MDGA2: variants seen among roughly 807,000 people sequenced by gnomAD.
MDGA2 encodes MAM domain containing glycosylphosphatidylinositol anchor 2.
In MDGA2, 40 loss-of-function variants were observed where a neutral mutation model predicts 117.8. The ratio of observed to expected loss-of-function variants is 0.34; its 90% CI spans 0.26 to 0.44. MDGA2 has a LOEUF of 0.44. Among genes scored for constraint, MDGA2 ranks in the 20% least tolerant of loss-of-function variants. MDGA2 has a pLI of 1.00. For synonymous variants in MDGA2, 452 were observed against 439.0 expected (o/e 1.03, Z -0.37); for missense variants, 1,123 against 1,250.6 (o/e 0.90, Z 1.54).
chr14:47,657,030 A>T (rs1303532651), intron 1 of MDGA2, among the ~76,000 whole-genome samples: 1 of 152,154 alleles, frequency 6.6e-6, no homozygotes, highest in East Asian at 1.9e-4. Context: ...AAAGTTTTCA[A>T]TTCAGCCAAA....
intron 8 of MDGA2, among the ~76,000 whole-genome samples, chr14:46,967,336 G>A (rs933212045): frequency 1.3e-5 from 2 of 152,104 alleles, no homozygotes; most frequent in South Asian, 4.1e-4. Context: ...CAAGTCAAAA[G>A]CATGCCCAAC....
intron 8 of MDGA2, among the ~76,000 whole-genome samples, chr14:46,976,401 A>G (rs1886460092): frequency 6.6e-6 from 1 of 152,048 alleles, no homozygotes; most frequent in African/African-American, 2.4e-5. Context: ...AAGGACAGAG[A>G]CATCATTCTT....
rs1345552849 is a variant in MDGA2 at position 47,035,046 on chromosome 14, T to C, written c.1784A>G (p.Lys595Arg). ...QTSQYNGFNV[K>R]PREALVQLIV... Reference sequence around the variant, plus strand: ...GAGCTGCACCAAGGCTTCCCTTGGTTTCACGTTAAATCCATTGTATTGGCT... The same window carrying C: ...GAGCTGCACCAAGGCTTCCCTTGGTCTCACGTTAAATCCATTGTATTGGCT... The change falls in exon 8 of 17, where the codon AAA (lysine) becomes AGA (arginine). Residue 595 changes from lysine (K) to arginine (R), a missense_variant. Physicochemically the swap from Lys to Arg is conservative, Grantham distance 26. This residue lies in a region of MDGA2 where 890 missense variants were observed against 1,050.3 expected (regional missense o/e 0.85). Coordinates refer to ENST00000399232, the MANE Select transcript of MDGA2 (RefSeq NM_001113498.3). 1 of 1,614,062 alleles carries C rather than the reference T, an allele frequency of 6.2e-7. No homozygotes were observed. The highest frequency in any genetic ancestry group is 8.5e-7 in the Non-Finnish European group (1 of 1,179,970).
chr14:47,310,513 A>G (rs556297868), intron 1 of MDGA2, among the ~76,000 whole-genome samples: 2 of 152,240 alleles, frequency 1.3e-5, no homozygotes, highest in South Asian at 4.1e-4. Context: ...TGTATAAACT[A>G]AGTGGAATAC....
chr14:47,508,846 A>AT (rs1894577288), intron 1 of MDGA2, among the ~76,000 whole-genome samples: 1 of 150,530 alleles, frequency 6.6e-6, no homozygotes, highest in African/African-American at 2.5e-5. Flanking sequence ...TGCCCGGCTA[A>AT]TTTTTAAATT....
At chr14:47,078,824 A>T (rs528008705) in intron 6 of MDGA2, among the ~76,000 whole-genome samples, 1 of 152,250 alleles carries the variant, frequency 6.6e-6, no homozygotes, top group East Asian at 1.9e-4. Flanking sequence ...TATTCAGGAC[A>T]TAGTTCTCTA....
intron 12 of MDGA2, 30 bp downstream of exon 12, chr14:46,877,459 G>A (rs45489507): frequency 3.9e-5 from 48 of 1,233,792 alleles, no homozygotes; most frequent in Non-Finnish European, 5.2e-5. Flanking sequence ...ATTAAATATA[G>A]TGCCATTTTG....
intron 1 of MDGA2, among the ~76,000 whole-genome samples, chr14:47,485,395 T>C (rs1239840856): frequency 6.6e-6 from 1 of 152,132 alleles, no homozygotes; most frequent in Non-Finnish European, 1.5e-5. Flanking sequence ...AGAGGTAACT[T>C]GACTACTGTT....
At chr14:47,290,036 A>C (rs1566722457) in intron 2 of MDGA2, among the ~76,000 whole-genome samples, 1 of 152,192 alleles carries the variant, frequency 6.6e-6, no homozygotes, top group Non-Finnish European at 1.5e-5. Flanking sequence ...CTTGTGCATG[A>C]ACTTGCAAAC....
At chr14:47,136,037 C>G (rs1882436435) in intron 4 of MDGA2, among the ~76,000 whole-genome samples, 4 of 152,112 alleles carry the variant, frequency 2.6e-5, no homozygotes, top group Admixed American at 2.6e-4. Context: ...TACTAATCTC[C>G]TCTTTCTAAT....
At chr14:46,864,672 A>G (rs978440971) in intron 14 of MDGA2, among the ~76,000 whole-genome samples, 2 of 149,606 alleles carry the variant, frequency 1.3e-5, no homozygotes, top group Non-Finnish European at 3.0e-5. Context: ...TTTCACATTT[A>G]CAGCATTGGC....
intron 3 of MDGA2, among the ~76,000 whole-genome samples, chr14:47,190,839 CAT>C (rs1885081223): frequency 6.6e-6 from 1 of 152,074 alleles, no homozygotes; most frequent in Non-Finnish European, 1.5e-5. Flanking sequence ...GCTGGGGTAA[CAT>C]AGTGGAAAAT....
chr14:47,369,858 C>G (rs1891308269), intron 1 of MDGA2, among the ~76,000 whole-genome samples: 1 of 151,786 alleles, frequency 6.6e-6, no homozygotes, highest in Non-Finnish European at 1.5e-5. Flanking sequence ...TAGCATATAA[C>G]TAGGCACTTA....
intron 3 of MDGA2, among the ~76,000 whole-genome samples, chr14:47,172,151 G>A (rs761676566): frequency 1.5e-4 from 23 of 152,256 alleles, no homozygotes; most frequent in African/African-American, 4.3e-4. Context: ...AGGAAGCTCC[G>A]ACTGGGTGGA....
chr14:47,625,779 C>T (rs1454954114), intron 1 of MDGA2, among the ~76,000 whole-genome samples: 1 of 152,162 alleles, frequency 6.6e-6, no homozygotes, highest in Non-Finnish European at 1.5e-5. Context: ...CTAATATGCT[C>T]ATTAGGCTGA....
At chr14:47,173,787 T>A (rs1884298889) in intron 3 of MDGA2, among the ~76,000 whole-genome samples, 1 of 152,022 alleles carries the variant, frequency 6.6e-6, no homozygotes, top group African/African-American at 2.4e-5. Flanking sequence ...AGGATCAAAT[T>A]CACACATAAC....
At chr14:47,399,627 C>G (rs567353613) in intron 1 of MDGA2, among the ~76,000 whole-genome samples, 2 of 151,504 alleles carry the variant, frequency 1.3e-5, no homozygotes, top group Admixed American at 6.6e-5. Flanking sequence ...TTTATAGCTG[C>G]TAGAGCAGAC....
intron 8 of MDGA2, among the ~76,000 whole-genome samples, chr14:47,011,356 G>T (rs1277406395): frequency 1.3e-5 from 2 of 151,962 alleles, no homozygotes; most frequent in African/African-American, 4.8e-5. Flanking sequence ...CTATGTGAAT[G>T]CATGTTCTTA....
intron 8 of MDGA2, among the ~76,000 whole-genome samples, chr14:46,994,974 C>G (rs1025352187): frequency 6.6e-6 from 1 of 151,858 alleles, no homozygotes; most frequent in Non-Finnish European, 1.5e-5. Flanking sequence ...GTGGATACAC[C>G]CATATTGGTC....
Sources: gnomAD v4.1 joint callset for allele counts (sites outside exome capture counted in the v4.1 genomes callset) on GRCh38, gnomAD v4.1.1 for gene constraint, gnomAD v4.1.1 regional missense constraint, MANE v1.5 for transcripts, NCBI Gene and HGNC (gene_info 2026-07-23, HGNC 2026-07-21) for gene names.